Variants in NSD2 observed in about 807,000 individuals in gnomAD.
NSD2 encodes the protein histone-lysine N-methyltransferase NSD2.
Under a neutral mutation model 139.0 loss-of-function variants are expected in NSD2, and 12 were observed. The observed-to-expected ratio is 0.09, with a 90% CI of 0.06 to 0.14. NSD2 has a LOEUF of 0.14. NSD2 is among the 10% of genes least tolerant of loss of function. The probability of loss-of-function intolerance (pLI) is 1.00; values close to 1 mark genes in which losing one functional copy is unlikely to be tolerated. For missense variants in NSD2, 1,155 were observed against 1,745.0 expected (o/e 0.66, Z 6.02); for synonymous variants, 669 against 648.7 (o/e 1.03, Z -0.48).
chr4:1,961,302 G>T, intron 18 of NSD2, 151 bp downstream of exon 18: 1 of 675,348 alleles, frequency 1.5e-6, no homozygotes, highest in Non-Finnish European at 2.5e-6. Context: ...CTTCTGAGGT[G>T]CAGCGTGTCT....
rs562593417 is a variant in NSD2 at position 1,966,942 on chromosome 4, A to G, written c.3372+5791A>G. Among the ~76,000 whole-genome samples the G allele has an allele frequency of 1.4e-4, 22 of 152,336 alleles. No homozygotes were observed. The South Asian group carries it at 2.1e-3, about 14-fold the overall frequency. On this transcript the variant is annotated intron_variant, in intron 18 of 21. Transcript: ENST00000508803. ...CTTAATATAATCAAGTTATAACATT[A>G]TATAGAGAATTGGAAAACTGGAGAA...
In NSD2 at chr4:1,935,135, C is replaced by A. The variant is rs771653259; in HGVS notation, c.1556-9C>A. The A allele has an allele frequency of 1.2e-6, 2 of 1,600,652 alleles. No individual in the cohort carries two copies. Among genetic ancestry groups the A allele is most frequent in the East Asian group, 2.2e-5 (1 of 44,608 alleles). On this transcript the variant is annotated splice_polypyrimidine_tract_variant and intron_variant, in intron 6 of 21. Coordinates refer to ENST00000508803, the MANE Select transcript of NSD2 (RefSeq NM_001042424.3). ...TTTCATGTACATTTTCCCCATTCCC[C>A]ATTCCAAGGTAATGTAAATGGGAAA...
At chr4:1,889,838 CACATA>C (rs1047977775) in intron 1 of NSD2, among the ~76,000 whole-genome samples, 1 of 151,590 alleles carries the variant, frequency 6.6e-6, no homozygotes, top group Non-Finnish European at 1.5e-5. Flanking sequence ...AGATAAAATT[CACATA>C]ACATTTATTG....
At position 1,974,295 on chromosome 4, in the gene NSD2, C is replaced by T. The variant is rs1279684133; in HGVS notation, c.3373-568C>T. Among the ~76,000 whole-genome samples the T allele has an allele frequency of 7.2e-5, 11 of 151,906 alleles. No individual in the cohort carries two copies. Among genetic ancestry groups the T allele is most frequent in the African/African-American group, 2.7e-4 (11 of 41,344 alleles). ...GCGCGATCTCCACTCTCTGTAACCTCCGCCTCCCGGGTTCAAGTGATTCTC... is the reference window on the plus strand; with the variant it reads ...GCGCGATCTCCACTCTCTGTAACCTTCGCCTCCCGGGTTCAAGTGATTCTC... On this transcript the variant is annotated intron_variant, in intron 18 of 21. Coordinates refer to ENST00000508803, the MANE Select transcript of NSD2 (RefSeq NM_001042424.3). This position sits in a 1 kb window ranked among gnomAD's most constrained non-coding sequence, Gnocchi z 4.0.
At chr4:1,895,457 C>T (rs1454574685) in intron 1 of NSD2, among the ~76,000 whole-genome samples, 1 of 152,178 alleles carries the variant, frequency 6.6e-6, no homozygotes, top group Admixed American at 6.5e-5. Context: ...TGCTGATTCT[C>T]TCAGATTTAT....
rs1209818447 is a variant in NSD2 at position 1,981,623 on chromosome 4, AG to A, written c.*2715del. 2.6e-6 allele frequency: 1 copy of A among 378,734 alleles called. No homozygotes were observed. The highest frequency in any genetic ancestry group is 4.7e-6 in the Non-Finnish European group (1 of 213,924). 23.5% of individuals were successfully genotyped at this position (378,734 alleles called of 1,614,324 possible). On this transcript the variant is annotated 3_prime_UTR_variant, in exon 22 of 22. Coordinates refer to ENST00000508803, the MANE Select transcript of NSD2 (RefSeq NM_001042424.3). ...CTTCAGGCACCTGAAGTGAGAACCC[AG>A]CTGTCCGTCCTCAGGCCGGCCTTTC...
At chr4:1,944,621 C>G (rs1356423019) in intron 9 of NSD2, 3 of 1,063,134 alleles carry the variant, frequency 2.8e-6, no homozygotes, top group South Asian at 9.1e-5. Flanking sequence ...TGTAGCTGTT[C>G]TAAAAACGTA....
Position 1,942,802 on chromosome 4 carries a change from CAAACT to C in NSD2, c.1881+3027_1881+3031del. 2 of 1,077,386 alleles carry C rather than the reference CAAACT, an allele frequency of 1.9e-6. No individual in the cohort carries two copies. The highest frequency in any genetic ancestry group is 8.4e-5 in the South Asian group (2 of 23,742). The allele number at this position is 1,077,386 out of a possible 1,614,324, so 66.7% of individuals were successfully genotyped here. A position where few individuals can be genotyped will look rare whatever the true frequency, so the allele number is the denominator to read the frequency against. On this transcript the variant is annotated intron_variant, in intron 9 of 21. Transcript: ENST00000508803. The surrounding 1 kb of genome is among the most constrained non-coding windows in gnomAD (Gnocchi z 4.0). ...ATATCAGCGTCGCTACCCTCAGAAA[CAAACT>C]AACAGCACACGTTAGGAGGAGTCCT...
In NSD2 at chr4:1,942,688, C is replaced by T; in HGVS notation, c.1881+2910C>T. 1 of 1,133,402 alleles carries T rather than the reference C, an allele frequency of 8.8e-7. No homozygotes were observed. The highest frequency in any genetic ancestry group is 1.6e-5 in the African/African-American group (1 of 62,736). The allele number at this position is 1,133,402 out of a possible 1,614,324, so 70.2% of individuals were successfully genotyped here. A position where few individuals can be genotyped will look rare whatever the true frequency, so the allele number is the denominator to read the frequency against. ...GCAGTCCCTTTAGTTGGGGGCTGTCCAGAGCTGCAGCAGGGCTTTGCACGG... is the reference window on the plus strand; with the variant it reads ...GCAGTCCCTTTAGTTGGGGGCTGTCTAGAGCTGCAGCAGGGCTTTGCACGG... On this transcript the variant is annotated intron_variant, in intron 9 of 21. Transcript: ENST00000508803. This position sits in a 1 kb window ranked among gnomAD's most constrained non-coding sequence, Gnocchi z 4.0.
intron 10 of NSD2, among the ~76,000 whole-genome samples, chr4:1,951,797 C>T (rs1724297844): frequency 6.6e-6 from 1 of 152,156 alleles, no homozygotes; most frequent in Non-Finnish European, 1.5e-5. Context: ...ATTAGGGTGC[C>T]TTTGATTTCT....
chr4:1,909,075 AAAAG>A (rs1718321703), intron 3 of NSD2, among the ~76,000 whole-genome samples: 2 of 152,158 alleles, frequency 1.3e-5, no homozygotes, highest in African/African-American at 4.8e-5. Context: ...CCCTAAAAAA[AAAAG>A]AGTTATATAT....
At chr4:1,901,584 T>C (rs1199159383) in intron 2 of NSD2, among the ~76,000 whole-genome samples, 1 of 152,256 alleles carries the variant, frequency 6.6e-6, no homozygotes, top group African/African-American at 2.4e-5. Flanking sequence ...AACGTCAGGC[T>C]ACACTCTTTT....
chr4:1,930,676 C>G lies in NSD2; in HGVS notation c.1461C>G (p.Leu487=), dbSNP rs1297145103. 6.2e-7 allele frequency: 1 copy of G among 1,613,760 alleles called. No individual in the cohort carries two copies. Among genetic ancestry groups the G allele is most frequent in the Admixed American group, 1.7e-5 (1 of 59,952 alleles). Residue 487 remains leucine (L), a synonymous_variant, in exon 6 of 22, where the codon CTC becomes CTG. Coordinates refer to ENST00000508803, the MANE Select transcript of NSD2 (RefSeq NM_001042424.3). Reference sequence around the variant, plus strand: ...CAGGTGAGGAGATTGAAGAGCTGCTCAGGTCACAGTGGAGTCTGCTGAGTG... The same window carrying G: ...CAGGTGAGGAGATTGAAGAGCTGCTGAGGTCACAGTGGAGTCTGCTGAGTG... ...DASGEEIEEL[L]RSQWSLLSEK... is the part of the protein sequence containing the mutation.
chr4:1,968,828 G>A (rs892877207), intron 18 of NSD2, among the ~76,000 whole-genome samples: 5 of 152,192 alleles, frequency 3.3e-5, no homozygotes, highest in African/African-American at 7.2e-5. Flanking sequence ...TTAGATGCAC[G>A]TCCGACAGTT....
At chr4:1,873,276 C>G (rs1269024643) in intron 1 of NSD2, among the ~76,000 whole-genome samples, 1 of 152,194 alleles carries the variant, frequency 6.6e-6, no homozygotes, top group African/African-American at 2.4e-5. Flanking sequence ...ATACCAGAGT[C>G]TGGCCTCTGA....
chr4:1,887,533 TG>T (rs1715203096), intron 1 of NSD2: 1 of 152,188 alleles, frequency 6.6e-6, no homozygotes, highest in Non-Finnish European at 1.5e-5. Flanking sequence ...GAGAGTACAG[TG>T]GCACGATCAT....
At chr4:1,915,539 C>T (rs1003229874) in intron 3 of NSD2, among the ~76,000 whole-genome samples, 5 of 152,272 alleles carry the variant, frequency 3.3e-5, no homozygotes, top group Non-Finnish European at 7.4e-5. Context: ...ATGTCTGTGG[C>T]CCTGCAGAGG....
intron 1 of NSD2, among the ~76,000 whole-genome samples, chr4:1,882,042 G>C (rs948161765): frequency 3.3e-5 from 5 of 152,204 alleles, no homozygotes; most frequent in African/African-American, 1.2e-4. Context: ...GTGATGGTGT[G>C]ACATGAATCT....
At chr4:1,875,384 C>T (rs1001982627) in intron 1 of NSD2, among the ~76,000 whole-genome samples, 1 of 149,270 alleles carries the variant, frequency 6.7e-6, no homozygotes, top group Admixed American at 6.8e-5. Context: ...TGGGCTCAAT[C>T]GATCCTCCTA....
Sources: allele counts gnomAD v4.1 joint callset (sites outside exome capture counted in the v4.1 genomes callset), GRCh38; gene constraint gnomAD v4.1.1; non-coding constraint Gnocchi (gnomAD v3.1); transcripts MANE v1.5; gene names NCBI Gene and HGNC (gene_info 2026-07-23, HGNC 2026-07-21).